The following ZNF385D variants were observed in gnomAD, a reference collection of about 807,000 sequenced individuals.
ZNF385D encodes zinc finger protein 659.
ZNF385D carries 15 observed loss-of-function variants against 35.8 expected under a neutral mutation model. The observed-to-expected ratio is 0.42, with a 90% CI of 0.28 to 0.64. ZNF385D has a LOEUF of 0.64. ZNF385D is among the 30% of genes least tolerant of loss of function. ZNF385D has a pLI of 0.23. For missense variants in ZNF385D, 474 were observed against 494.6 expected, an observed-to-expected ratio of 0.96 and a Z score of 0.39; for synonymous variants, 212 against 186.8, an observed-to-expected ratio of 1.13 and a Z score of -1.10.
At chr3:21,546,158 T>C (rs2062364182) in intron 3 of ZNF385D, among the ~76,000 whole-genome samples, 2 of 152,070 alleles carry the variant, frequency 1.3e-5, no homozygotes, top group Admixed American at 6.5e-5. Context: ...AATTTGAAAC[T>C]CATTAGTTGT....
intron 4 of ZNF385D, among the ~76,000 whole-genome samples, chr3:21,457,858 A>G (rs988583668): frequency 2.0e-5 from 3 of 152,208 alleles, no homozygotes. Context: ...CCAAAGGCCA[A>G]CAGCTAAATT....
At chr3:22,234,175 C>G (rs1054920127) in intron 2 of ZNF385D, among the ~76,000 whole-genome samples, 5 of 152,114 alleles carry the variant, frequency 3.3e-5, no homozygotes, top group South Asian at 2.1e-4. Context: ...CCATACTCAT[C>G]ATATTCAACT....
intron 1 of ZNF385D, among the ~76,000 whole-genome samples, chr3:21,749,894 T>A (rs2069975216): frequency 6.6e-6 from 1 of 152,204 alleles, no homozygotes. Context: ...ACCTCTTTAA[T>A]CTGAAAGAAG....
intron 4 of ZNF385D, among the ~76,000 whole-genome samples, chr3:21,494,763 T>C (rs1469120611): frequency 1.3e-5 from 2 of 152,182 alleles, no homozygotes. Flanking sequence ...TCCATTTAAA[T>C]GAATCACTAG....
intron 4 of ZNF385D, among the ~76,000 whole-genome samples, chr3:21,458,923 T>C (rs1474184750): frequency 6.6e-6 from 1 of 152,174 alleles, no homozygotes; most frequent in Non-Finnish European, 1.5e-5. Context: ...TTGTACACTT[T>C]AAATGGGTGA....
At chr3:22,063,662 AG>A (rs1699797478) in intron 3 of ZNF385D, among the ~76,000 whole-genome samples, 1 of 152,182 alleles carries the variant, frequency 6.6e-6, no homozygotes, top group Admixed American at 6.6e-5. Flanking sequence ...CCCAGCTGCT[AG>A]GCATGCTGCG....
intron 2 of ZNF385D, among the ~76,000 whole-genome samples, chr3:22,321,337 T>G (rs895973135): frequency 6.6e-6 from 1 of 151,950 alleles, no homozygotes; most frequent in Non-Finnish European, 1.5e-5. Context: ...GGGGATTCAG[T>G]CTATATATAT....
chr3:21,925,624 T>C (rs541177475), intron 3 of ZNF385D, among the ~76,000 whole-genome samples: 6 of 152,244 alleles, frequency 3.9e-5, no homozygotes, highest in South Asian at 2.1e-4. Flanking sequence ...AAAAGATAAA[T>C]TGGACTTCAT....
intron 3 of ZNF385D, among the ~76,000 whole-genome samples, chr3:21,982,810 T>C (rs944537623): frequency 8.4e-5 from 9 of 106,894 alleles, no homozygotes; most frequent in Non-Finnish European, 1.5e-4. Context: ...TTGAATTTTA[T>C]TGAAAGCCTT....
chr3:21,435,211 T>C (rs556192738), intron 5 of ZNF385D, among the ~76,000 whole-genome samples: 1 of 152,000 alleles, frequency 6.6e-6, no homozygotes, highest in Admixed American at 6.6e-5. Context: ...TCTTTGTTTC[T>C]TTATCAGATA....
intron 2 of ZNF385D, among the ~76,000 whole-genome samples, chr3:22,350,673 AATGT>A (rs1382283923): frequency 6.6e-6 from 1 of 151,926 alleles, no homozygotes; most frequent in Non-Finnish European, 1.5e-5. Context: ...TCCAAAAGAT[AATGT>A]ATTTCTTTTT....
chr3:22,211,745 C>T (rs1410127377), intron 2 of ZNF385D, among the ~76,000 whole-genome samples: 4 of 151,852 alleles, frequency 2.6e-5, no homozygotes, highest in African/African-American at 7.2e-5. Flanking sequence ...CAAGAACAGT[C>T]CTGGTGGTAC....
intron 2 of ZNF385D, among the ~76,000 whole-genome samples, chr3:22,170,830 T>C (rs1694365596): frequency 2.6e-5 from 4 of 152,144 alleles, no homozygotes; most frequent in Admixed American, 1.3e-4. Context: ...TATTGTTAAG[T>C]AGTAAAATGA....
intron 2 of ZNF385D, among the ~76,000 whole-genome samples, chr3:22,339,078 T>A (rs895362047): frequency 6.6e-6 from 1 of 152,212 alleles, no homozygotes; most frequent in Non-Finnish European, 1.5e-5. Flanking sequence ...ATTATAAATG[T>A]GTGTGCATAC....
intron 3 of ZNF385D, among the ~76,000 whole-genome samples, chr3:21,972,197 A>T (rs769885947): frequency 2.0e-5 from 3 of 152,008 alleles, no homozygotes; most frequent in African/African-American, 4.8e-5. Context: ...TAGACCATAT[A>T]ATAGGACAAA....
chr3:21,732,515 T>C (rs879666589), intron 1 of ZNF385D, among the ~76,000 whole-genome samples: 9 of 152,238 alleles, frequency 5.9e-5, no homozygotes, highest in Non-Finnish European at 8.8e-5. Context: ...CAGCAATGAA[T>C]GAGAGTTCCT....
intron 3 of ZNF385D, among the ~76,000 whole-genome samples, chr3:21,812,113 C>G (rs1225932736): frequency 6.6e-6 from 1 of 152,034 alleles, no homozygotes; most frequent in Non-Finnish European, 1.5e-5. Flanking sequence ...TATAATTGGT[C>G]AAATTCAGAA....
At chr3:22,091,770 T>C (rs75281806) in intron 3 of ZNF385D, among the ~76,000 whole-genome samples, 23,217 of 152,218 alleles carry the variant, frequency 0.15, 2,041 homozygotes, top group African/African-American at 0.24. Flanking sequence ...TATTTTCTCT[T>C]TGCCTGTTAT....
intron 3 of ZNF385D, among the ~76,000 whole-genome samples, chr3:22,025,834 A>C (rs1398810548): frequency 6.6e-6 from 1 of 152,180 alleles, no homozygotes; most frequent in Non-Finnish European, 1.5e-5. Flanking sequence ...CAGCACCTGC[A>C]TCTTCGAAGA....
Sources: allele counts gnomAD v4.1 joint callset (sites outside exome capture counted in the v4.1 genomes callset), GRCh38; gene constraint gnomAD v4.1.1; transcripts MANE v1.5; gene names NCBI Gene and HGNC (gene_info 2026-07-23, HGNC 2026-07-21).